Variants in SEC14L3 observed in about 807,000 individuals in gnomAD.
SEC14L3 encodes SEC14 like lipid binding 3.
Under a neutral mutation model 57.4 loss-of-function variants are expected in SEC14L3, and 56 were observed. That is an observed-to-expected ratio of 0.97 (90% CI 0.79 to 1.22). The LOEUF is 1.22. Ranked by LOEUF, SEC14L3 falls within the 50% of genes most tolerant of loss-of-function variation. The pLI, the probability that SEC14L3 is intolerant of heterozygous loss-of-function variation, is 0.00. For synonymous variants in SEC14L3, 173 were observed against 194.4 expected (o/e 0.89, Z 0.92); for missense variants, 485 against 511.7 (o/e 0.95, Z 0.50).
rs751584336 is a variant in SEC14L3, at chr22:30,462,192, T to C, written c.665A>G (p.Asn222Ser). 1.9e-6 allele frequency: 3 copies of C among 1,612,268 alleles called. No individual in the cohort carries two copies. In the South Asian group the frequency reaches 3.3e-5, roughly 18 times the overall value. ...DTRRKIIVLGNNWKEGLLKLI... is the reference protein window; with the variant it reads ...DTRRKIIVLGSNWKEGLLKLI... ...TTTCAGCAAACCTTCCTTCCAGTTATCTGGGAGCAGTGGGATTCAAGGGTG... is the reference window on the plus strand; with the variant it reads ...TTTCAGCAAACCTTCCTTCCAGTTACCTGGGAGCAGTGGGATTCAAGGGTG... The change falls in exon 9 of 12, where the codon AAT becomes AGT. Residue 222 changes from asparagine to serine, a missense_variant and splice_region_variant. Coordinates refer to ENST00000215812, the MANE Select transcript of SEC14L3 (RefSeq NM_174975.5).
intron 12 of SEC14L3, among the ~76,000 whole-genome samples, chr22:30,452,717 C>CTTTTTT (rs71198554): frequency 3.0e-5 from 4 of 131,644 alleles, no homozygotes; most frequent in Non-Finnish European, 4.9e-5. Context: ...TTCTTTCTTT[C>CTTTTTT]TTTTTTTTTT....
intron 2 of SEC14L3, 120 bp downstream of exon 2, chr22:30,470,387 T>C: frequency 6.3e-7 from 1 of 1,596,576 alleles, no homozygotes; most frequent in Non-Finnish European, 8.5e-7. Flanking sequence ...CCTCTGGACC[T>C]GAACATGTGA....
chr22:30,467,964 A>G (rs1935473575), intron 5 of SEC14L3, among the ~76,000 whole-genome samples: 1 of 152,198 alleles, frequency 6.6e-6, no homozygotes, highest in South Asian at 2.1e-4. Flanking sequence ...AACAAAACAA[A>G]GCAAAAAAAC....
At chr22:30,455,106 A>AAAATTTAATATATATT (rs1935089591), downstream of SEC14L3, among the ~76,000 whole-genome samples, 2 of 26,774 alleles carry the variant, frequency 7.5e-5, no homozygotes, top group Non-Finnish European at 1.1e-4. Context: ...TAATATATTT[A>AAAATTTAATATATATT]ATATTTAATA....
chr22:30,448,947 G>C (rs2146077687), exon 13 of SEC14L3: 1 of 737,414 alleles, frequency 1.4e-6, no homozygotes, highest in East Asian at 2.7e-5. Context: ...GTCTGCCCTA[G>C]GCCCTCTGAG....
intron 9 of SEC14L3, 116 bp from the exon 10 acceptor site, chr22:30,461,810 C>A: frequency 7.2e-7 from 1 of 1,391,466 alleles, no homozygotes; most frequent in South Asian, 1.4e-5. Context: ...TAGCCCCACT[C>A]TCCCACCTCC....
At chr22:30,469,991 A>C (rs1186699156) in intron 4 of SEC14L3, 28 bp downstream of exon 4, 1 of 1,498,162 alleles carries the variant, frequency 6.7e-7, no homozygotes, top group Admixed American at 2.1e-5. Flanking sequence ...TCCGTGAAAG[A>C]CTGAGGTGTT....
intron 2 of SEC14L3, 99 bp from the exon 3 acceptor site, chr22:30,470,354 C>T: frequency 6.3e-7 from 1 of 1,588,456 alleles, no homozygotes; most frequent in Non-Finnish European, 8.6e-7. Context: ...TGGGTGAGAC[C>T]TTGCTCCCCT....
chr22:30,469,318 A>AAG (rs1556010809), intron 4 of SEC14L3, among the ~76,000 whole-genome samples: 4 of 151,074 alleles, frequency 2.6e-5, no homozygotes, highest in Admixed American at 6.6e-5. Flanking sequence ...CCAAAAAAAA[A>AAG]AAAAAAAAGC....
chr22:30,462,163 T>A lies in SEC14L3; in HGVS notation c.694A>T (p.Ile232Phe). ...NNWKEGLLKL[I>F]SPEELPAQFG... ...TGGGCAGGCAGTTCCTCAGGACTGA[T>A]GAGTTTCAGCAAACCTTCCTTCCAG... Residue 232 changes from isoleucine (I) to phenylalanine (F), a missense_variant, in exon 9 of 12, where the codon ATC becomes TTC. By Grantham distance (21) the Ile-to-Phe change is conservative (BLOSUM62 0). Coordinates refer to ENST00000215812, the MANE Select transcript of SEC14L3 (RefSeq NM_174975.5). The A allele has an allele frequency of 6.2e-7, 1 of 1,613,870 alleles. No individual in the cohort carries two copies. Among genetic ancestry groups the A allele is most frequent in the South Asian group, 1.1e-5 (1 of 91,034 alleles).
intron 4 of SEC14L3, chr22:30,469,090 G>A: frequency 1.6e-6 from 1 of 625,862 alleles, no homozygotes; most frequent in Non-Finnish European, 2.4e-6. Context: ...GGTTGAGGCA[G>A]ATGGGATCTC....
At chr22:30,469,068 A>G (rs1935520450) in intron 4 of SEC14L3, 1 of 923,424 alleles carries the variant, frequency 1.1e-6, no homozygotes, top group Non-Finnish European at 1.5e-6. Flanking sequence ...CTGTAATCCC[A>G]GCTACTCAGG....
Position 30,461,407 on chromosome 22 carries a change from C to T in SEC14L3, c.984G>A (p.Gln328=), listed in dbSNP as rs767275329. The part of the protein sequence containing the change: ...VFLKTKMGER[Q]RAGEMTDVLP... ...GAACATCTGTCATCTCCCCTGCCCGCTGTCGCTCCCCCATCTTGGTCTTCA... is the reference window on the plus strand; with the variant it reads ...GAACATCTGTCATCTCCCCTGCCCGTTGTCGCTCCCCCATCTTGGTCTTCA... The change falls in exon 11 of 12, where the codon CAG becomes CAA. Residue 328 remains glutamine, a synonymous_variant. Coordinates refer to ENST00000215812, the MANE Select transcript of SEC14L3 (RefSeq NM_174975.5). 6.2e-7 allele frequency: 1 copy of T among 1,614,128 alleles called. No homozygotes were observed. The highest frequency in any genetic ancestry group is 8.5e-7 in the Non-Finnish European group (1 of 1,179,986).
At chr22:30,455,143 AATATATATTATATTTAATATTT>A (rs1569225688), downstream of SEC14L3, among the ~76,000 whole-genome samples, 21 of 60,710 alleles carry the variant, frequency 3.5e-4, no homozygotes, top group Non-Finnish European at 5.8e-4. Context: ...TTTAATATTT[AATATATATTATATTTAATATTT>A]AATATATTAT....
At chr22:30,451,632 C>G (rs1934982200) in intron 12 of SEC14L3, among the ~76,000 whole-genome samples, 1 of 152,028 alleles carries the variant, frequency 6.6e-6, no homozygotes, top group Non-Finnish European at 1.5e-5. Flanking sequence ...TGCAGGATAG[C>G]AGATAAGAAA....
At chr22:30,449,543 TTTTTC>T (rs71814315) in intron 12 of SEC14L3, among the ~76,000 whole-genome samples, 84,965 of 137,146 alleles carry the variant, frequency 0.62, 26,721 homozygotes, top group East Asian at 0.82. Flanking sequence ...TGTCCGTTCT[TTTTTC>T]TTTTCTTTTC....
intron 7 of SEC14L3, 40 bp from the exon 8 acceptor site, chr22:30,464,943 T>G: frequency 1.9e-6 from 3 of 1,613,228 alleles, no homozygotes; most frequent in Non-Finnish European, 2.5e-6. Context: ...AGAAAAGAAT[T>G]ACATTGGGCA....
chr22:30,455,142 T>C (rs184636996), downstream of SEC14L3, among the ~76,000 whole-genome samples: 750 of 87,054 alleles, frequency 8.6e-3, 18 homozygotes, highest in Middle Eastern at 0.018. Flanking sequence ...ATTTAATATT[T>C]AATATATATT....
intron 12 of SEC14L3, among the ~76,000 whole-genome samples, chr22:30,451,149 AG>A (rs986268020): frequency 6.6e-6 from 1 of 152,188 alleles, no homozygotes; most frequent in African/African-American, 2.4e-5. Context: ...AGGCCAGGTC[AG>A]GGGGGCTGCC....
Sources: allele counts gnomAD v4.1 joint callset (sites outside exome capture counted in the v4.1 genomes callset), GRCh38; gene constraint gnomAD v4.1.1; transcripts MANE v1.5; gene names NCBI Gene and HGNC (gene_info 2026-07-23, HGNC 2026-07-21).